Variants in ZMYND8 observed in about 807,000 individuals in gnomAD.
ZMYND8 encodes the protein zinc finger MYND-type containing 8, also known as MYND-type zinc finger-containing chromatin reader ZMYND8.
Under a neutral mutation model 140.8 loss-of-function variants are expected in ZMYND8, and 37 were observed. That is an observed-to-expected ratio of 0.26 (90% confidence interval 0.20 to 0.35). The LOEUF is 0.35. ZMYND8 is among the 10% of genes least tolerant of loss of function. The pLI is 1.00. For synonymous variants in ZMYND8, 592 were observed against 597.1 expected, an observed-to-expected ratio of 0.99 and a Z score of 0.12; for missense variants, 1,068 against 1,570.0, an observed-to-expected ratio of 0.68 and a Z score of 5.40.
chr20:47,334,829 G>A (rs57389509), intron 2 of ZMYND8, among the ~76,000 whole-genome samples: 2 of 151,570 alleles, frequency 1.3e-5, no homozygotes, highest in Non-Finnish European at 2.9e-5. Flanking sequence ...CAGGCTGGTC[G>A]GAACTCCTGA....
chr20:47,349,832 T>C (rs942672930), intron 1 of ZMYND8: 4 of 1,527,168 alleles, frequency 2.6e-6, no homozygotes, highest in Non-Finnish European at 3.5e-6. Flanking sequence ...GGGAAACAAT[T>C]ATGCAGAACT....
At chr20:47,315,507 A>G (rs1012479995) in intron 2 of ZMYND8, among the ~76,000 whole-genome samples, 1 of 152,096 alleles carries the variant, frequency 6.6e-6, no homozygotes, top group Non-Finnish European at 1.5e-5. Context: ...GGGATGAGAC[A>G]GCAGGGGGGC....
chr20:47,269,206 AT>A (rs1358258859), intron 11 of ZMYND8, among the ~76,000 whole-genome samples: 1 of 152,232 alleles, frequency 6.6e-6, no homozygotes, highest in Non-Finnish European at 1.5e-5. Context: ...CTCAAAAAAA[AT>A]AAATAAATAA....
At chr20:47,281,930 G>A (rs144239720) in intron 10 of ZMYND8, among the ~76,000 whole-genome samples, 172 bp downstream of exon 10, 84 of 152,144 alleles carry the variant, frequency 5.5e-4, no homozygotes, top group South Asian at 2.9e-3. Context: ...TGTAGCCCAC[G>A]CCATTACCAA....
At chr20:47,270,716 A>G (rs73130961) in intron 11 of ZMYND8, among the ~76,000 whole-genome samples, 33,704 of 138,080 alleles carry the variant, frequency 0.24, 4,580 homozygotes, top group Non-Finnish European at 0.28. Context: ...AAAAAAAAAA[A>G]AAAGAAAGAA....
At chr20:47,231,182 G>C (rs1170294658) in intron 16 of ZMYND8, among the ~76,000 whole-genome samples, 1 of 152,148 alleles carries the variant, frequency 6.6e-6, no homozygotes, top group Non-Finnish European at 1.5e-5. Flanking sequence ...TATGTTAATA[G>C]GATGAATTTC....
chr20:47,290,583 G>GTTTTT (rs71183240), intron 6 of ZMYND8, among the ~76,000 whole-genome samples: 24 of 64,096 alleles, frequency 3.7e-4, no homozygotes, highest in East Asian at 1.0e-3. Context: ...TATTTATTTA[G>GTTTTT]TTTTTTTTTT....
intron 18 of ZMYND8, 150 bp downstream of exon 18, chr20:47,227,053 G>T: frequency 2.4e-6 from 2 of 818,394 alleles, no homozygotes; most frequent in Non-Finnish European, 4.0e-6. Flanking sequence ...GTTTCTCCAG[G>T]CCCAGACTCT....
chr20:47,323,383 C>T (rs1243612908), intron 2 of ZMYND8, among the ~76,000 whole-genome samples: 1 of 152,080 alleles, frequency 6.6e-6, no homozygotes, highest in Non-Finnish European at 1.5e-5. Context: ...GCTAACACCA[C>T]GGTGTGCAAT....
chr20:47,234,279 G>A (rs1013461851), intron 16 of ZMYND8, among the ~76,000 whole-genome samples: 3 of 152,196 alleles, frequency 2.0e-5, no homozygotes, highest in Admixed American at 6.6e-5. Context: ...GAACTCCTGA[G>A]CTCATGCAAT....
intron 21 of ZMYND8, among the ~76,000 whole-genome samples, chr20:47,216,208 C>T (rs1265014675): frequency 6.6e-6 from 1 of 152,120 alleles, no homozygotes; most frequent in Non-Finnish European, 1.5e-5. Flanking sequence ...ACAACACAGG[C>T]CTCTGGCCAG....
intron 22 of ZMYND8, 64 bp from the exon 23 acceptor site, chr20:47,210,961 C>A: frequency 6.3e-7 from 1 of 1,577,152 alleles, no homozygotes; most frequent in Non-Finnish European, 8.6e-7. Flanking sequence ...AACTATCCTG[C>A]AATCTGACCT....
chr20:47,249,547 G>C (rs2073999441), intron 12 of ZMYND8, 108 bp from the exon 13 acceptor site: 8 of 1,450,578 alleles, frequency 5.5e-6, no homozygotes, highest in Non-Finnish European at 7.4e-6. Context: ...ACATGGGGGA[G>C]GGGGAGATAC....
At chr20:47,323,325 C>G (rs2080127852) in intron 2 of ZMYND8, among the ~76,000 whole-genome samples, 1 of 152,146 alleles carries the variant, frequency 6.6e-6, no homozygotes, top group African/African-American at 2.4e-5. Context: ...TCACTGCAGC[C>G]TCAACCTCCC....
chr20:47,270,843 A>C (rs189542662), intron 11 of ZMYND8, among the ~76,000 whole-genome samples: 67 of 152,018 alleles, frequency 4.4e-4, no homozygotes, highest in Non-Finnish European at 1.5e-4. Context: ...TTTGGGAGGC[A>C]GAGGCGGGCA....
intron 1 of ZMYND8, chr20:47,352,022 CATG>C: frequency 2.0e-6 from 2 of 984,376 alleles, no homozygotes; most frequent in Non-Finnish European, 2.4e-6. Context: ...GAGCCTTCAA[CATG>C]AGGCTCTGTG....
intron 13 of ZMYND8, among the ~76,000 whole-genome samples, chr20:47,248,721 C>T (rs1204258850): frequency 6.6e-6 from 1 of 152,110 alleles, no homozygotes; most frequent in African/African-American, 2.4e-5. Flanking sequence ...AATGAAGTAC[C>T]AAAGGAGGAG....
intron 10 of ZMYND8, among the ~76,000 whole-genome samples, chr20:47,279,674 G>A (rs1233657869): frequency 6.6e-6 from 1 of 151,332 alleles, no homozygotes; most frequent in Non-Finnish European, 1.5e-5. Flanking sequence ...TTTTCTTATT[G>A]ATAAAATAGA....
intron 21 of ZMYND8, among the ~76,000 whole-genome samples, chr20:47,213,874 G>T (rs181514456): frequency 1.8e-4 from 27 of 152,328 alleles, no homozygotes; most frequent in African/African-American, 6.3e-4. Flanking sequence ...TTATTAGTAA[G>T]GAGGTAACAG....
Sources: gnomAD v4.1 joint callset for allele counts (sites outside exome capture counted in the v4.1 genomes callset) on GRCh38, gnomAD v4.1.1 for gene constraint, MANE v1.5 for transcripts, NCBI Gene and HGNC (gene_info 2026-07-23, HGNC 2026-07-21) for gene names.